The following TRIM49 variants were observed in gnomAD, a reference collection of about 807,000 sequenced individuals.
TRIM49 encodes the protein tripartite motif containing 49.
A neutral mutation model predicts 27.4 loss-of-function variants in TRIM49; 5 were observed. The observed-to-expected ratio is 0.18, with a 90% CI of 0.10 to 0.38. The LOEUF is 0.38. TRIM49 is among the 10% of genes least tolerant of loss of function. The pLI, the probability that TRIM49 is intolerant of heterozygous loss-of-function variation, is 1.00. For synonymous variants in TRIM49, 69 were observed against 166.0 expected (o/e 0.42, Z 4.49); for missense variants, 188 against 487.5 (o/e 0.39, Z 5.79).
intron 6 of TRIM49, among the ~76,000 whole-genome samples, chr11:89,800,024 CT>C (rs766181875): frequency 3.7e-3 from 503 of 134,858 alleles, no homozygotes; most frequent in Middle Eastern, 7.8e-3. Context: ...TCTGATCCTT[CT>C]TTTTTTTTTT....
At chr11:89,776,950 T>C in the TRIM49 span, 1 of 1,516,916 alleles carries the variant, frequency 6.6e-7, no homozygotes, top group Non-Finnish European at 8.8e-7. Flanking sequence ...AGAAAGAAAT[T>C]CTCACTTTTT....
At chr11:89,787,631 C>G in the TRIM49 span, 21 of 802,168 alleles carry the variant, frequency 2.6e-5, no homozygotes, top group Middle Eastern at 3.9e-4. Context: ...GGTGGTGCCC[C>G]GGGTCCGCCT....
intron 2 of TRIM49, among the ~76,000 whole-genome samples, chr11:89,806,613 T>C (rs533345969): frequency 6.0e-5 from 9 of 150,230 alleles, no homozygotes; most frequent in African/African-American, 2.2e-4. Flanking sequence ...AAAAATTGTG[T>C]TTTGATTTCT....
At chr11:89,791,091 T>A in the TRIM49 span, among the ~76,000 whole-genome samples, 632 of 150,390 alleles carry the variant, frequency 4.2e-3, 6 homozygotes, top group African/African-American at 0.015. Flanking sequence ...GAGAACTACG[T>A]GATGAATGCA....
chr11:89,802,733 T>C (rs1949748714), intron 4 of TRIM49, among the ~76,000 whole-genome samples: 1 of 150,950 alleles, frequency 6.6e-6, no homozygotes, highest in Admixed American at 6.6e-5. Flanking sequence ...TTTCAGTGAG[T>C]CTTTTTTCTG....
chr11:89,793,714 G>A (rs1021802890), downstream of TRIM49, among the ~76,000 whole-genome samples: 9 of 151,872 alleles, frequency 5.9e-5, no homozygotes, highest in Non-Finnish European at 1.3e-4. Context: ...CAATAAATTG[G>A]GTATTGATGG....
chr11:89,768,749 A>G, the TRIM49 span: 1 of 494,454 alleles, frequency 2.0e-6, no homozygotes, highest in Non-Finnish European at 4.0e-6. Flanking sequence ...CCTTTGTTGG[A>G]AACAACTTGA....
chr11:89,786,042 G>T, the TRIM49 span: 1 of 120,974 alleles, frequency 8.3e-6, no homozygotes, highest in East Asian at 2.5e-4. Flanking sequence ...GGTCGAGGAG[G>T]ACCGCACTGA....
At chr11:89,769,051 G>T in the TRIM49 span, among the ~76,000 whole-genome samples, 2 of 134,934 alleles carry the variant, frequency 1.5e-5, no homozygotes. Context: ...GTGTGGTGGT[G>T]CATGCTTTTA....
chr11:89,782,149 A>G, the TRIM49 span: 2 of 1,550,890 alleles, frequency 1.3e-6, no homozygotes, highest in Non-Finnish European at 1.7e-6. Context: ...CTGATGAAAG[A>G]TTTTTTTTAA....
downstream of TRIM49, among the ~76,000 whole-genome samples, chr11:89,793,702 C>G (rs1368180036): frequency 6.6e-6 from 1 of 151,932 alleles, no homozygotes; most frequent in Admixed American, 6.6e-5. Context: ...GCTAAAACCT[C>G]TCAATAAATT....
chr11:89,776,547 G>A, the TRIM49 span, among the ~76,000 whole-genome samples: 19,102 of 144,754 alleles, frequency 0.13, 820 homozygotes, highest in East Asian at 0.31. Flanking sequence ...ATGAGTGAAC[G>A]CACTCTGCCA....
the TRIM49 span, chr11:89,785,812 A>G: frequency 2.9e-4 from 42 of 145,306 alleles, 8 homozygotes; most frequent in African/African-American, 1.1e-3. Flanking sequence ...TAATAATGTA[A>G]AAGAAGGGAG....
the TRIM49 span, among the ~76,000 whole-genome samples, chr11:89,775,729 G>T: frequency 1.1e-4 from 15 of 133,236 alleles, no homozygotes; most frequent in South Asian, 3.5e-3. Flanking sequence ...AAAAATAATA[G>T]ATATTAATTA....
downstream of TRIM49, among the ~76,000 whole-genome samples, chr11:89,795,906 C>G (rs1448195235): frequency 6.6e-6 from 1 of 151,896 alleles, no homozygotes; most frequent in East Asian, 2.0e-4. Flanking sequence ...ATCAAACTTT[C>G]CAGAGAAGAC....
downstream of TRIM49, among the ~76,000 whole-genome samples, chr11:89,796,474 C>T (rs1355992753): frequency 1.5e-5 from 2 of 134,920 alleles, 1 homozygote; most frequent in Non-Finnish European, 3.0e-5. Context: ...GGCCACAAGA[C>T]GTTCTCACAC....
chr11:89,777,173 A>G, the TRIM49 span: 7 of 1,548,978 alleles, frequency 4.5e-6, no homozygotes, highest in South Asian at 4.8e-5. Flanking sequence ...CCCAACTTCA[A>G]CACCAATGTG....
At chr11:89,769,403 G>A in the TRIM49 span, among the ~76,000 whole-genome samples, 2 of 136,980 alleles carry the variant, frequency 1.5e-5, no homozygotes, top group Non-Finnish European at 3.0e-5. Flanking sequence ...ACCGTTCATG[G>A]AGAGGAGTGT....
chr11:89,772,943 T>G, the TRIM49 span, among the ~76,000 whole-genome samples: 14 of 135,030 alleles, frequency 1.0e-4, 1 homozygote, highest in African/African-American at 1.7e-4. Flanking sequence ...TGAAAAAGAC[T>G]TGAAGTCTAA....
Sources: gnomAD v4.1 joint callset for allele counts (sites outside exome capture counted in the v4.1 genomes callset) on GRCh38, gnomAD v4.1.1 for gene constraint, MANE v1.5 for transcripts, NCBI Gene and HGNC (gene_info 2026-07-23, HGNC 2026-07-21) for gene names.